The following DNPEP variants were observed in gnomAD, a reference collection of about 807,000 sequenced individuals.
DNPEP encodes aspartyl aminopeptidase.
Under a neutral mutation model 59.1 loss-of-function variants are expected in DNPEP, and 46 were observed. The observed-to-expected ratio is 0.78, with a 90% CI of 0.61 to 0.99. The LOEUF (loss-of-function observed/expected upper bound fraction) is 0.99, where lower values mean the gene tolerates loss of function less well. Among genes scored for constraint, DNPEP ranks in the 50% least tolerant of loss-of-function variants. DNPEP has a pLI of 0.00. For missense variants in DNPEP, 617 were observed against 649.9 expected, an observed-to-expected ratio of 0.95 and a Z score of 0.55; for synonymous variants, 229 against 242.2, an observed-to-expected ratio of 0.95 and a Z score of 0.50.
At chr2:219,392,952 C>G (rs181132833), upstream of DNPEP, among the ~76,000 whole-genome samples, 10 of 152,330 alleles carry the variant, frequency 6.6e-5, no homozygotes, top group East Asian at 1.9e-3. Flanking sequence ...GATTTGCGGA[C>G]TTGCCTGGCA....
intron 13 of DNPEP, among the ~76,000 whole-genome samples, chr2:219,379,796 C>T (rs954834063): frequency 2.0e-5 from 3 of 152,042 alleles, no homozygotes; most frequent in Non-Finnish European, 2.9e-5. Context: ...TGGTGCGTGC[C>T]TGTAATCCCA....
intron 13 of DNPEP, among the ~76,000 whole-genome samples, chr2:219,380,567 G>A (rs10175511): frequency 0.96 from 145,722 of 152,092 alleles, 70,097 homozygotes; most frequent in East Asian, 1. Context: ...TTTTGTTACA[G>A]TTACCTACAG....
chr2:219,387,668 C>A, intron 1 of DNPEP, 91 bp downstream of exon 1: 1 of 1,579,374 alleles, frequency 6.3e-7, no homozygotes, highest in South Asian at 1.1e-5. Context: ...TCAGGCGGCC[C>A]CACTGCAGCA....
intron 1 of DNPEP, chr2:219,399,847 C>T: frequency 6.5e-7 from 1 of 1,549,794 alleles, no homozygotes; most frequent in South Asian, 1.2e-5. Context: ...GGCCACAGAA[C>T]TAGACAGGCC....
At position 219,383,464 on chromosome 2, in the gene DNPEP, C is replaced by CT. The variant is rs1411453635; in HGVS notation, c.853-251dup. Among the ~76,000 whole-genome samples the CT allele has an allele frequency of 1.8e-3, 271 of 149,872 alleles. 1 individual carries two copies. Among genetic ancestry groups the CT allele is most frequent in the African/African-American group, 6.0e-3 (244 of 40,778 alleles). On this transcript the variant is annotated intron_variant, in intron 9 of 14. Transcript: ENST00000273075. ...GAAACCTTTAAGGTGTGGTGAGGAC[C>CT]TTTTTTTTCTCTTTTTTTCTTTCTT...
upstream of DNPEP, among the ~76,000 whole-genome samples, chr2:219,392,899 G>C (rs1954041082): frequency 6.6e-6 from 1 of 152,134 alleles, no homozygotes. Context: ...ACATTCCACT[G>C]TTGTGCTCAC....
At position 219,386,987 on chromosome 2, in the gene DNPEP, G is replaced by A. The variant is rs769286421; in HGVS notation, c.131-7C>T. 5.0e-6 allele frequency: 8 copies of A among 1,614,024 alleles called. No homozygotes were observed. The highest frequency in any genetic ancestry group is 6.8e-6 in the Non-Finnish European group (8 of 1,179,988). On this transcript the variant is annotated splice_polypyrimidine_tract_variant and splice_region_variant and intron_variant, in intron 2 of 14. Coordinates refer to ENST00000273075, the MANE Select transcript of DNPEP (RefSeq NM_012100.4). ...TTGCGGCATTCAGCCACAGCTGTGG[G>A]AAAAGCACCCTCTCACAGCGATGGA...
rs1250388008 is a variant in DNPEP, at chr2:219,374,065, C to A, written c.*227G>T. Reference sequence around the variant, plus strand: ...TTGAGACAGAGAAGAGATTTAAAACCAGATTTAAAACCATCAGCTCCCAGG... The same window carrying A: ...TTGAGACAGAGAAGAGATTTAAAACAAGATTTAAAACCATCAGCTCCCAGG... On this transcript the variant is annotated 3_prime_UTR_variant, in exon 15 of 15. Transcript: ENST00000273075. 3.9e-6 allele frequency: 2 copies of A among 511,236 alleles called. No individual in the cohort carries two copies. Among genetic ancestry groups the A allele is most frequent in the African/African-American group, 3.8e-5 (2 of 52,642 alleles). 31.7% of individuals were successfully genotyped at this position (511,236 alleles called of 1,614,324 possible).
intron 14 of DNPEP, 69 bp from the exon 15 acceptor site, chr2:219,374,411 T>C (rs1245977162): frequency 9.3e-6 from 13 of 1,395,754 alleles, no homozygotes; most frequent in Non-Finnish European, 1.3e-5. Flanking sequence ...GCCACCCACC[T>C]CCCACCAACA....
upstream of DNPEP, among the ~76,000 whole-genome samples, chr2:219,392,205 G>T (rs1431816726): frequency 2.0e-5 from 3 of 152,184 alleles, no homozygotes; most frequent in Non-Finnish European, 4.4e-5. Flanking sequence ...ATCTTCCCTG[G>T]AAGATCTCGG....
chr2:219,392,944 T>G (rs561070469), upstream of DNPEP, among the ~76,000 whole-genome samples: 1 of 152,298 alleles, frequency 6.6e-6, no homozygotes, highest in South Asian at 2.1e-4. Flanking sequence ...CTGCTCTAGA[T>G]TTGCGGACTT....
upstream of DNPEP, among the ~76,000 whole-genome samples, chr2:219,391,857 C>A: frequency 8.2e-6 from 1 of 122,648 alleles, no homozygotes; most frequent in African/African-American, 3.0e-5. Flanking sequence ...TTTTAAAGTG[C>A]TGTGTAGCAG....
chr2:219,387,017 GGT>G, intron 2 of DNPEP, 37 bp from the exon 3 acceptor site: 1 of 1,613,572 alleles, frequency 6.2e-7, no homozygotes, highest in East Asian at 2.2e-5. Flanking sequence ...GATGGAAGCT[GGT>G]GAAGGGCGCA....
Position 219,372,656 on chromosome 2 carries a change from C to T in DNPEP, c.*1636G>A, listed in dbSNP as rs1233134631. Among the ~76,000 whole-genome samples, 3 of 152,090 alleles carry T rather than the reference C, an allele frequency of 2.0e-5. No individual in the cohort carries two copies. Among genetic ancestry groups the T allele is most frequent in the African/African-American group, 7.2e-5 (3 of 41,430 alleles). ...TGCTGGGATTACAGGCATAAGCCACCGTGCCTGGCCATATAATGTTTTGAA... is the reference window on the plus strand; with the variant it reads ...TGCTGGGATTACAGGCATAAGCCACTGTGCCTGGCCATATAATGTTTTGAA... On this transcript the variant is annotated 3_prime_UTR_variant, in exon 15 of 15. Coordinates refer to ENST00000273075, the MANE Select transcript of DNPEP (RefSeq NM_012100.4).
At chr2:219,395,378 GGC>G (rs2125153161) in intron 1 of DNPEP, among the ~76,000 whole-genome samples, 1 of 152,228 alleles carries the variant, frequency 6.6e-6, no homozygotes, top group Admixed American at 6.5e-5. Flanking sequence ...ACCTCTACCT[GGC>G]AACCTTCATT....
chr2:219,379,803 C>A (rs1953515145), intron 13 of DNPEP, among the ~76,000 whole-genome samples: 1 of 152,034 alleles, frequency 6.6e-6, no homozygotes, highest in African/African-American at 2.4e-5. Flanking sequence ...TGCCTGTAAT[C>A]CCAGCTATTC....
Position 219,385,514 on chromosome 2 carries a change from C to G in DNPEP, c.684G>C (p.Ser228=), listed in dbSNP as rs757370867. The part of the protein sequence containing the change: ...PLNAVDERHH[S]VLMSLLCAHL... ...GGGCACAGAGCAGGGACATGAGGAC[C>G]GAATGGTGCCGCTCATCCTGAAGAG... is the stretch of plus-strand genomic sequence containing the variant. Residue 228 remains serine (S), a synonymous_variant, in exon 8 of 15, where the codon TCG becomes TCC. Transcript: ENST00000273075. The G allele has an allele frequency of 6.2e-7, 1 of 1,603,090 alleles. No individual in the cohort carries two copies. Among genetic ancestry groups the G allele is most frequent in the South Asian group, 1.1e-5 (1 of 90,762 alleles).
intron 1 of DNPEP, among the ~76,000 whole-genome samples, chr2:219,398,683 C>G (rs186567717): frequency 3.3e-5 from 5 of 152,312 alleles, no homozygotes; most frequent in Admixed American, 2.0e-4. Context: ...TAATATGTCT[C>G]TAGAAAACCT....
At chr2:219,383,029 T>C in intron 10 of DNPEP, 102 bp downstream of exon 10, 1 of 1,059,446 alleles carries the variant, frequency 9.4e-7, no homozygotes, top group East Asian at 2.5e-5. Flanking sequence ...TCCCCTGTCT[T>C]GGGGCCCCCA....
Sources: allele counts gnomAD v4.1 joint callset (sites outside exome capture counted in the v4.1 genomes callset), GRCh38; gene constraint gnomAD v4.1.1; transcripts MANE v1.5; gene names NCBI Gene and HGNC (gene_info 2026-07-23, HGNC 2026-07-21).